The following ACVRL1 variants were observed in gnomAD, a reference collection of about 807,000 sequenced individuals.
ACVRL1 encodes activin A receptor like type 1.
A neutral mutation model predicts 51.9 loss-of-function variants in ACVRL1; 20 were observed. That is an observed-to-expected ratio of 0.39 (90% CI 0.27 to 0.56). The LOEUF is 0.56. Among genes scored for constraint, ACVRL1 ranks in the 20% least tolerant of loss-of-function variants. The pLI is 0.67. For synonymous variants in ACVRL1, 288 were observed against 280.9 expected (o/e 1.03, Z -0.25); for missense variants, 451 against 670.3 (o/e 0.67, Z 3.61).
At chr12:51,913,419 C>G in intron 3 of ACVRL1, 69 bp downstream of exon 3, 2 of 1,579,280 alleles carry the variant, frequency 1.3e-6, no homozygotes, top group South Asian at 1.2e-5. Flanking sequence ...CTCCTTTCCT[C>G]TCATGCTCTG....
At chr12:51,911,497 T>G (rs1361849871) in intron 1 of ACVRL1, among the ~76,000 whole-genome samples, 2 of 152,198 alleles carry the variant, frequency 1.3e-5, no homozygotes, top group Non-Finnish European at 2.9e-5. Context: ...GCTTATACTC[T>G]GGTGAGCTTG....
In ACVRL1 at chr12:51,913,653, T is replaced by G; in HGVS notation, c.408T>G (p.Gly136=). The change falls in exon 4 of 10, where the codon GGT becomes GGG. Residue 136 remains glycine (G), a synonymous_variant. Coordinates refer to ENST00000388922, the MANE Select transcript of ACVRL1 (RefSeq NM_000020.3). ...VLALLALVAL[G]VLGLWHVRRR... Reference sequence around the variant, plus strand: ...CCTTGCTGGCCCTGGTGGCCCTGGGTGTCCTGGGCCTGTGGCATGTCCGAC... The same window carrying G: ...CCTTGCTGGCCCTGGTGGCCCTGGGGGTCCTGGGCCTGTGGCATGTCCGAC... 1 of 1,607,972 alleles carries G rather than the reference T, an allele frequency of 6.2e-7. No homozygotes were observed. Among genetic ancestry groups the G allele is most frequent in the Non-Finnish European group, 8.5e-7 (1 of 1,179,970 alleles).
intron 1 of ACVRL1, among the ~76,000 whole-genome samples, chr12:51,908,554 G>A (rs77808410): frequency 0.11 from 16,245 of 152,174 alleles, 1,032 homozygotes; most frequent in South Asian, 0.19. Flanking sequence ...GCAACCTAGT[G>A]GAAGAGGGGT....
chr12:51,913,035 G>C lies in ACVRL1; in HGVS notation c.62-64G>C. Reference sequence around the variant, plus strand: ...ACGAGAGGGACAGTAGGACAGAAATGGGTGTCGGGCTCAGCCTGGGGGAGC... The same window carrying C: ...ACGAGAGGGACAGTAGGACAGAAATCGGTGTCGGGCTCAGCCTGGGGGAGC... On this transcript the variant is annotated intron_variant, in intron 2 of 9. Transcript: ENST00000388922. The C allele has an allele frequency of 3.2e-6, 5 of 1,569,296 alleles. No homozygotes were observed. The South Asian group carries it at 4.6e-5, about 15-fold the overall frequency.
intron 2 of ACVRL1, 29 bp from the exon 3 acceptor site, chr12:51,913,070 A>G (rs1940727797): frequency 2.5e-6 from 4 of 1,594,688 alleles, no homozygotes; most frequent in Admixed American, 3.4e-5. Flanking sequence ...CTGGGACCAC[A>G]GTGGCTGAGC....
At position 51,918,312 on chromosome 12, in the gene ACVRL1, G is replaced by A. The variant is rs114787069; in HGVS notation, c.1247-673G>A. On this transcript the variant is annotated intron_variant, in intron 8 of 9. Coordinates refer to ENST00000388922, the MANE Select transcript of ACVRL1 (RefSeq NM_000020.3). The stretch of plus-strand genomic sequence containing the variant: ...AGAGCACATGCTTTGGTGTTAGACT[G>A]TGGGCTTAAATCCTAGCCCTGTCAC... 1.6e-3 allele frequency among the ~76,000 whole-genome samples: 244 copies of A among 152,334 alleles called. No individual in the cohort carries two copies. The Middle Eastern group carries it at 0.024, about 15-fold the overall frequency.
At position 51,919,023 on chromosome 12, in the gene ACVRL1, G is replaced by A. The variant is rs1131691286; in HGVS notation, c.1285G>A (p.Val429Met). 6.2e-7 allele frequency: 1 copy of A among 1,614,136 alleles called. No individual in the cohort carries two copies. Among genetic ancestry groups the A allele is most frequent in the Non-Finnish European group, 8.5e-7 (1 of 1,180,030 alleles). ...EDYRPPFYDV[V>M]PNDPSFEDMK... ...CTATAGACCACCCTTCTATGATGTGGTGCCCAATGACCCCAGCTTTGAGGA... is the reference window on the plus strand; with the variant it reads ...CTATAGACCACCCTTCTATGATGTGATGCCCAATGACCCCAGCTTTGAGGA... Residue 429 changes from valine (V) to methionine (M), a missense_variant, in exon 9 of 10, where the codon GTG becomes ATG. Around this residue, in one of 2 missense-constraint regions of ACVRL1, gnomAD observed 259 missense variants for 453.4 expected, o/e 0.57. Transcript: ENST00000388922.
At chr12:51,912,615 G>A in intron 2 of ACVRL1, 80 bp downstream of exon 2, 1 of 1,243,652 alleles carries the variant, frequency 8.0e-7, no homozygotes, top group Non-Finnish European at 1.2e-6. Flanking sequence ...CTCTGCCTGG[G>A]GCTGAACTTG....
intron 7 of ACVRL1, 58 bp downstream of exon 7, chr12:51,915,558 C>A: frequency 6.4e-7 from 1 of 1,558,590 alleles, no homozygotes; most frequent in Non-Finnish European, 8.7e-7. Flanking sequence ...TGTGCGCTCT[C>A]CTCTCCTTTG....
In ACVRL1 at chr12:51,920,753, C is replaced by T; in HGVS notation, c.1378-6C>T. ...CTCTCCTCTGCACCTCTCTCCCAAC[C>T]CCCAGGTCCTCTCAGGCCTAGCTCA... On this transcript the variant is annotated splice_polypyrimidine_tract_variant and splice_region_variant and intron_variant, in intron 9 of 9. Coordinates refer to ENST00000388922, the MANE Select transcript of ACVRL1 (RefSeq NM_000020.3). 1 of 1,613,642 alleles carries T rather than the reference C, an allele frequency of 6.2e-7. No individual in the cohort carries two copies. The highest frequency in any genetic ancestry group is 2.2e-5 in the East Asian group (1 of 44,878).
rs139142865 is a variant in ACVRL1 at position 51,920,826 on chromosome 12, C to T, written c.1445C>T (p.Ala482Val). 3.1e-3 allele frequency: 5,079 copies of T among 1,613,532 alleles called. 16 individuals carry two copies. Among genetic ancestry groups the T allele is most frequent in the Non-Finnish European group, 4.1e-3 (4,825 of 1,179,736 alleles). Residue 482 changes from alanine (A) to valine (V), a missense_variant, in exon 10 of 10, where the codon GCG (alanine) becomes GTG (valine). Around this residue, in one of 2 missense-constraint regions of ACVRL1, gnomAD observed 259 missense variants for 453.4 expected, o/e 0.57. Coordinates refer to ENST00000388922, the MANE Select transcript of ACVRL1 (RefSeq NM_000020.3). The stretch of plus-strand genomic sequence containing the variant: ...CCAAACCCCTCTGCCCGACTCACCG[C>T]GCTGCGGATCAAGAAGACACTACAA... ...WYPNPSARLT[A>V]LRIKKTLQKI...
intron 1 of ACVRL1, 180 bp from the exon 2 acceptor site, chr12:51,912,290 G>A: frequency 2.9e-6 from 2 of 691,948 alleles, no homozygotes; most frequent in South Asian, 1.6e-5. Context: ...CCATGGGGAA[G>A]TGAACCAGGA....
chr12:51,916,291 C>T (rs1193122591), intron 8 of ACVRL1, 58 bp downstream of exon 8: 1 of 1,574,594 alleles, frequency 6.4e-7, no homozygotes, highest in East Asian at 2.3e-5. Flanking sequence ...GAGCCAGGGG[C>T]TTCCAGCCAT....
intron 8 of ACVRL1, 146 bp downstream of exon 8, chr12:51,916,379 C>A: frequency 2.5e-6 from 2 of 791,606 alleles, no homozygotes; most frequent in Non-Finnish European, 3.9e-6. Flanking sequence ...GCTGGTTCAG[C>A]TGAGTGACCT....
At chr12:51,913,394 C>A in intron 3 of ACVRL1, 44 bp downstream of exon 3, 1 of 1,602,374 alleles carries the variant, frequency 6.2e-7, no homozygotes, top group African/African-American at 1.3e-5. Flanking sequence ...CTTCTTGGCC[C>A]CTGCCCTCCC....
At chr12:51,913,517 C>G (rs1425250015) in intron 3 of ACVRL1, 42 bp from the exon 4 acceptor site, 1 of 1,573,458 alleles carries the variant, frequency 6.4e-7, no homozygotes. Flanking sequence ...GTGGGGGGAG[C>G]TGACCTAGTG....
chr12:51,921,091 T>A lies in ACVRL1; in HGVS notation c.*198T>A. ...CCTGATCCCCTGCTGTCTGGCCTGC[T>A]CAAAGCGGCAGGCTCCCTGACGCCT... On this transcript the variant is annotated 3_prime_UTR_variant, in exon 10 of 10. Coordinates refer to ENST00000388922, the MANE Select transcript of ACVRL1 (RefSeq NM_000020.3). The A allele has an allele frequency of 1.5e-6, 1 of 656,912 alleles. No homozygotes were observed. The allele number at this position is 656,912 out of a possible 1,614,324, so 40.7% of individuals were successfully genotyped here. A position where few individuals can be genotyped will look rare whatever the true frequency, so the allele number is the denominator to read the frequency against.
intron 1 of ACVRL1, 131 bp from the exon 2 acceptor site, chr12:51,912,339 G>A: frequency 1.0e-6 from 1 of 958,608 alleles, no homozygotes; most frequent in Non-Finnish European, 1.7e-6. Context: ...AGGCGGCAGG[G>A]AGTAGGGAGG....
rs527611721 is a variant in ACVRL1 at position 51,912,351 on chromosome 12, G to C, written c.-5-119G>C. The C allele has an allele frequency of 3.6e-6, 4 of 1,106,180 alleles. No individual in the cohort carries two copies. The African/African-American group carries it at 4.7e-5, about 13-fold the overall frequency. The allele number at this position is 1,106,180 out of a possible 1,614,324, so 68.5% of individuals were successfully genotyped here. Reference sequence around the variant, plus strand: ...GCCAGGCGGCAGGGAGTAGGGAGGCGGCCTCCCTGCCTCCCCTCCAAAAAA... The same window carrying C: ...GCCAGGCGGCAGGGAGTAGGGAGGCCGCCTCCCTGCCTCCCCTCCAAAAAA... On this transcript the variant is annotated intron_variant, in intron 1 of 9. Transcript: ENST00000388922.
Sources: allele counts gnomAD v4.1 joint callset (sites outside exome capture counted in the v4.1 genomes callset), GRCh38; gene constraint gnomAD v4.1.1; regional missense constraint gnomAD v4.1.1; transcripts MANE v1.5; gene names NCBI Gene and HGNC (gene_info 2026-07-23, HGNC 2026-07-21).